The following LPAR3 variants were observed in gnomAD, a reference collection of about 807,000 sequenced individuals.
LPAR3 encodes the protein LPA receptor 3.
LPAR3 carries 7 observed loss-of-function variants against 17.8 expected under a neutral mutation model. The observed-to-expected ratio is 0.39, with a 90% CI of 0.22 to 0.74. The LOEUF (loss-of-function observed/expected upper bound fraction) is 0.74, where lower values mean the gene tolerates loss of function less well. LPAR3 is among the 30% of genes least tolerant of loss of function. LPAR3 has a pLI of 0.40. For synonymous variants in LPAR3, 179 were observed against 179.9 expected (o/e 0.99, Z 0.04); for missense variants, 391 against 453.4 (o/e 0.86, Z 1.25).
chr1:84,827,414 T>A (rs1018072378), intron 2 of LPAR3, among the ~76,000 whole-genome samples: 3 of 152,050 alleles, frequency 2.0e-5, no homozygotes, highest in African/African-American at 7.3e-5. Flanking sequence ...TATCAGAGGA[T>A]GAAGGTCAAT....
chr1:84,811,812 C>T lies in LPAR3; in HGVS notation c.*2034G>A, dbSNP rs1486490523. 6.6e-6 allele frequency: 1 copy of T among 152,108 alleles called. No homozygotes were observed. The highest frequency in any genetic ancestry group is 1.5e-5 in the Non-Finnish European group (1 of 68,012). The allele number at this position is 152,108 out of a possible 1,614,324, so 9.4% of individuals were successfully genotyped here. A position where few individuals can be genotyped will look rare whatever the true frequency, so the allele number is the denominator to read the frequency against. On this transcript the variant is annotated 3_prime_UTR_variant, in exon 3 of 3. Coordinates refer to ENST00000370611, the MANE Select transcript of LPAR3 (RefSeq NM_012152.3). Reference sequence around the variant, plus strand: ...TATCACAATAGCAAAAAAATGTAAACTTCTTTTGCAAACTACATAAATACT... The same window carrying T: ...TATCACAATAGCAAAAAAATGTAAATTTCTTTTGCAAACTACATAAATACT...
chr1:84,817,457 T>C (rs1290830053), intron 2 of LPAR3, among the ~76,000 whole-genome samples: 1 of 152,162 alleles, frequency 6.6e-6, no homozygotes, highest in Non-Finnish European at 1.5e-5. Flanking sequence ...TATGAACTGT[T>C]AGATAAACTG....
intron 1 of LPAR3, among the ~76,000 whole-genome samples, chr1:84,873,931 T>G (rs1326801894): frequency 6.6e-6 from 1 of 152,130 alleles, no homozygotes; most frequent in Non-Finnish European, 1.5e-5. Flanking sequence ...TCTTGTATTA[T>G]TAGTAGAGAC....
chr1:84,844,713 G>T (rs1659565014), intron 2 of LPAR3, among the ~76,000 whole-genome samples: 2 of 152,256 alleles, frequency 1.3e-5, no homozygotes, highest in African/African-American at 4.8e-5. Context: ...TTCGTATGTT[G>T]TCAAGCATAA....
chr1:84,817,421 C>CT (rs1247184435), intron 2 of LPAR3, among the ~76,000 whole-genome samples: 1 of 152,106 alleles, frequency 6.6e-6, no homozygotes, highest in Non-Finnish European at 1.5e-5. Flanking sequence ...TGTTTAACTG[C>CT]TAACATAGAG....
chr1:84,821,551 C>G (rs2102745490), intron 2 of LPAR3, among the ~76,000 whole-genome samples: 1 of 152,274 alleles, frequency 6.6e-6, no homozygotes, highest in South Asian at 2.1e-4. Context: ...GCTTAATATT[C>G]TGATTTCTTA....
intron 2 of LPAR3, among the ~76,000 whole-genome samples, chr1:84,831,332 C>T (rs1005604844): frequency 1.3e-5 from 2 of 152,040 alleles, no homozygotes; most frequent in East Asian, 1.9e-4. Flanking sequence ...TGGCTCACAC[C>T]GTAGTCCTAG....
chr1:84,825,254 C>T (rs564436431), intron 2 of LPAR3, among the ~76,000 whole-genome samples: 11 of 152,142 alleles, frequency 7.2e-5, no homozygotes, highest in Non-Finnish European at 1.0e-4. Context: ...AAATTTAAGA[C>T]GCATGTCACC....
intron 1 of LPAR3, among the ~76,000 whole-genome samples, chr1:84,887,979 T>C (rs1349754685): frequency 1.3e-5 from 2 of 152,032 alleles, no homozygotes; most frequent in Non-Finnish European, 2.9e-5. Context: ...GTGTTTTGTA[T>C]CAATGTCCAT....
At chr1:84,887,219 A>G (rs1186710755) in intron 1 of LPAR3, among the ~76,000 whole-genome samples, 3 of 151,514 alleles carry the variant, frequency 2.0e-5, no homozygotes, top group African/African-American at 2.4e-5. Flanking sequence ...AAATACAAAA[A>G]AAAAAAAATA....
At chr1:84,858,481 C>G (rs1659872506) in intron 2 of LPAR3, among the ~76,000 whole-genome samples, 1 of 43,492 alleles carries the variant, frequency 2.3e-5, no homozygotes, top group South Asian at 7.3e-4. Flanking sequence ...GCGAGACTGT[C>G]TCAAAAAAAA....
intron 1 of LPAR3, among the ~76,000 whole-genome samples, chr1:84,887,268 T>C (rs962657344): frequency 6.6e-6 from 1 of 151,384 alleles, no homozygotes; most frequent in Non-Finnish European, 1.5e-5. Context: ...TTCCAGCAAC[T>C]TGGGGGGCTG....
intron 1 of LPAR3, among the ~76,000 whole-genome samples, chr1:84,875,293 G>C (rs1660236347): frequency 6.6e-6 from 1 of 152,200 alleles, no homozygotes; most frequent in South Asian, 2.1e-4. Flanking sequence ...TATATTTTGA[G>C]ACATTTCAAA....
At chr1:84,881,101 C>T (rs1393398570) in intron 1 of LPAR3, among the ~76,000 whole-genome samples, 1 of 152,134 alleles carries the variant, frequency 6.6e-6, no homozygotes, top group Non-Finnish European at 1.5e-5. Context: ...ACAGAAAGGA[C>T]ATTTTAGAGT....
intron 2 of LPAR3, among the ~76,000 whole-genome samples, chr1:84,863,511 T>G (rs1417909545): frequency 6.6e-6 from 1 of 152,172 alleles, no homozygotes; most frequent in African/African-American, 2.4e-5. Flanking sequence ...CTTCTAGGGC[T>G]CCTTTGCTGG....
intron 1 of LPAR3, among the ~76,000 whole-genome samples, chr1:84,887,729 C>T (rs1299417783): frequency 2.0e-5 from 3 of 152,054 alleles, no homozygotes; most frequent in Non-Finnish European, 4.4e-5. Context: ...GGATTCCTGC[C>T]AAGAATGCAT....
chr1:84,874,300 T>A (rs1660214703), intron 1 of LPAR3, among the ~76,000 whole-genome samples: 1 of 152,296 alleles, frequency 6.6e-6, no homozygotes, highest in African/African-American at 2.4e-5. Context: ...CTCAGCAGAA[T>A]AAACAGGTTC....
intron 2 of LPAR3, among the ~76,000 whole-genome samples, chr1:84,851,330 C>A (rs1333783174): frequency 6.6e-6 from 1 of 152,152 alleles, no homozygotes; most frequent in Non-Finnish European, 1.5e-5. Flanking sequence ...GTTCTTGTGA[C>A]CAGACCCTCC....
In LPAR3 at chr1:84,884,823, C is replaced by T. The variant is rs536736116; in HGVS notation, c.-19+8193G>A. ...CCTTGCTGACATTCCTCTTCACTTCCCTCTGTTGGATGTTCCTGGAATTTG... is the reference window on the plus strand; with the variant it reads ...CCTTGCTGACATTCCTCTTCACTTCTCTCTGTTGGATGTTCCTGGAATTTG... On this transcript the variant is annotated intron_variant, in intron 1 of 2. Transcript: ENST00000370611. Among the ~76,000 whole-genome samples, 15 of 152,304 alleles carry T rather than the reference C, an allele frequency of 9.8e-5. No individual in the cohort carries two copies. In the South Asian group the frequency reaches 3.1e-3, roughly 32 times the overall value.
Sources: gnomAD v4.1 joint callset for allele counts (sites outside exome capture counted in the v4.1 genomes callset) on GRCh38, gnomAD v4.1.1 for gene constraint, MANE v1.5 for transcripts, NCBI Gene and HGNC (gene_info 2026-07-23, HGNC 2026-07-21) for gene names.